Variants in SMC2 observed in about 807,000 individuals in gnomAD.
The protein encoded by SMC2 is structural maintenance of chromosomes protein 2.
SMC2 carries 41 observed loss-of-function variants against 142.6 expected under a neutral mutation model. That is an observed-to-expected ratio of 0.29 (90% confidence interval 0.22 to 0.37). The LOEUF (loss-of-function observed/expected upper bound fraction) is 0.37, where lower values mean the gene tolerates loss of function less well. SMC2 is among the 10% of genes least tolerant of loss of function. The probability of loss-of-function intolerance (pLI) is 1.00; values close to 1 mark genes in which losing one functional copy is unlikely to be tolerated. For synonymous variants in SMC2, 463 were observed against 457.5 expected (o/e 1.01, Z -0.15); for missense variants, 1,265 against 1,373.7 (o/e 0.92, Z 1.25).
At chr9:104,110,432 A>G (rs1832298125) in intron 9 of SMC2, among the ~76,000 whole-genome samples, 2 of 152,086 alleles carry the variant, frequency 1.3e-5, no homozygotes, top group African/African-American at 4.8e-5. Context: ...GCAAGAATAC[A>G]GTATATAATG....
intron 24 of SMC2, among the ~76,000 whole-genome samples, chr9:104,138,639 C>T (rs920145718): frequency 1.7e-4 from 26 of 152,174 alleles, no homozygotes; most frequent in African/African-American, 6.0e-4. Flanking sequence ...GGAGCTGGGG[C>T]TGCCAAATAT....
chr9:104,102,789 A>G (rs1423500080), intron 9 of SMC2, among the ~76,000 whole-genome samples: 1 of 152,154 alleles, frequency 6.6e-6, no homozygotes, highest in African/African-American at 2.4e-5. Flanking sequence ...AATAAATAAA[A>G]CATGTAACAT....
upstream of SMC2, among the ~76,000 whole-genome samples, chr9:104,089,842 C>T (rs145024292): frequency 4.8e-4 from 73 of 152,112 alleles, no homozygotes; most frequent in African/African-American, 1.4e-3. Flanking sequence ...GACGGGGTTT[C>T]GCCATGTTGG....
chr9:104,095,413 G>A lies in SMC2; in HGVS notation c.29G>A (p.Gly10Glu), dbSNP rs375159580. 3.1e-6 allele frequency: 5 copies of A among 1,613,476 alleles called. No homozygotes were observed. Among genetic ancestry groups the A allele is most frequent in the Non-Finnish European group, 4.2e-6 (5 of 1,179,990 alleles). ...CATATTAAGTCAATTATTCTAGAGG[G>A]ATTCAAGTCCTATGCTCAGAGGACC... The part of the protein sequence containing the change: MHIKSIILE[G>E]FKSYAQRTEV... The change falls in exon 2 of 25, where the codon GGA (glycine) becomes GAA (glutamate). Residue 10 changes from glycine to glutamate, a missense_variant. Gly to Glu is a moderately conservative substitution (Grantham distance 98). Transcript: ENST00000374793.
Position 104,125,802 on chromosome 9 carries a change from C to T in SMC2, c.2451+697C>T, listed in dbSNP as rs1000561053. ...CTAATGCCAAAGCTGGAATCTGAAC[C>T]TAGGTTTTTGTCTCCAAAGGCTACG... On this transcript the variant is annotated intron_variant, in intron 18 of 24. Transcript: ENST00000374793. 1.3e-5 allele frequency among the ~76,000 whole-genome samples: 2 copies of T among 152,272 alleles called. 1 individual carries two copies. Among genetic ancestry groups the T allele is most frequent in the South Asian group, 4.1e-4 (2 of 4,824 alleles).
rs759701968 is a variant in SMC2 at position 104,108,499 on chromosome 9, T to C, written c.1021-3082T>C. ...TGGTTCTTTCAGATGCCTCAGGCAC[T>C]GTCTGAGAACCTCTTTCCTGTTCCC... On this transcript the variant is annotated intron_variant, in intron 9 of 24. Coordinates refer to ENST00000374793, the MANE Select transcript of SMC2 (RefSeq NM_006444.3). Among the ~76,000 whole-genome samples the C allele has an allele frequency of 3.4e-4, 52 of 152,330 alleles. 1 individual carries two copies. The highest frequency in any genetic ancestry group is 4.1e-4 in the Non-Finnish European group (28 of 68,024).
chr9:104,120,700 A>C (rs1260606569), intron 16 of SMC2, among the ~76,000 whole-genome samples: 1 of 152,216 alleles, frequency 6.6e-6, no homozygotes, highest in Admixed American at 6.5e-5. Context: ...AGGTATGGAT[A>C]AGATATGTAT....
chr9:104,108,195 A>G (rs1461507537), intron 9 of SMC2, among the ~76,000 whole-genome samples: 1 of 152,184 alleles, frequency 6.6e-6, no homozygotes, highest in Non-Finnish European at 1.5e-5. Context: ...TCCCTAGGAA[A>G]ACTGGAAATA....
intron 9 of SMC2, among the ~76,000 whole-genome samples, chr9:104,103,978 T>C (rs1395065338): frequency 2.0e-5 from 3 of 152,100 alleles, no homozygotes; most frequent in African/African-American, 7.2e-5. Flanking sequence ...TTGTTTTGGG[T>C]TCATTTTTCT....
At chr9:104,100,265 C>A in intron 6 of SMC2, 62 bp downstream of exon 6, 1 of 1,413,568 alleles carries the variant, frequency 7.1e-7, no homozygotes, top group Non-Finnish European at 9.7e-7. Flanking sequence ...AGAGTTTTTG[C>A]TGTAAAGAGG....
In SMC2 at chr9:104,141,311, T is replaced by C. The variant is rs929448001; in HGVS notation, c.*1996T>C. The stretch of plus-strand genomic sequence containing the variant: ...CTCAGGGTGATAATACAGTTAGGAG[T>C]GTCAGGGCCCATGGACAAATCTTGT... On this transcript the variant is annotated 3_prime_UTR_variant, in exon 25 of 25. Transcript: ENST00000374793. 7.9e-5 allele frequency: 12 copies of C among 151,928 alleles called. No homozygotes were observed. The highest frequency in any genetic ancestry group is 2.9e-4 in the African/African-American group (12 of 41,338). The allele number at this position is 151,928 out of a possible 1,614,324, so 9.4% of individuals were successfully genotyped here.
chr9:104,132,297 C>T (rs1291258179), intron 22 of SMC2, among the ~76,000 whole-genome samples, 172 bp downstream of exon 22: 2 of 152,072 alleles, frequency 1.3e-5, no homozygotes, highest in Non-Finnish European at 2.9e-5. Context: ...TTGAACTTGA[C>T]TACTACCAGA....
In SMC2 at chr9:104,095,633, CTCT is replaced by C. The variant is rs1378059366; in HGVS notation, c.168+84_168+86del. ...TGAACTTTGGAGACGTCCCGATATT[CTCT>C]TCATTTGTGTTTTTATACTTTTTGT... On this transcript the variant is annotated intron_variant, in intron 2 of 24. Coordinates refer to ENST00000374793, the MANE Select transcript of SMC2 (RefSeq NM_006444.3). 3.8e-6 allele frequency: 4 copies of C among 1,043,650 alleles called. No homozygotes were observed. The Admixed American group carries it at 6.4e-5, about 17-fold the overall frequency. The allele number at this position is 1,043,650 out of a possible 1,614,324, so 64.6% of individuals were successfully genotyped here.
At chr9:104,127,203 G>A in intron 19 of SMC2, 83 bp from the exon 20 acceptor site, 1 of 1,087,124 alleles carries the variant, frequency 9.2e-7, no homozygotes, top group Non-Finnish European at 1.3e-6. Context: ...TCTTGCCCAG[G>A]GATCTGTCAG....
chr9:104,126,935 C>A, intron 19 of SMC2, 151 bp downstream of exon 19: 1 of 775,536 alleles, frequency 1.3e-6, no homozygotes, highest in Non-Finnish European at 2.0e-6. Context: ...CCAGAATTGC[C>A]AGTTTTGGGA....
At chr9:104,137,761 C>T (rs544852244) in intron 23 of SMC2, among the ~76,000 whole-genome samples, 25 of 152,008 alleles carry the variant, frequency 1.6e-4, no homozygotes, top group African/African-American at 4.3e-4. Context: ...AGGTGCCAAA[C>T]GTAATATGGC....
At chr9:104,097,089 A>G (rs370431860) in intron 3 of SMC2, among the ~76,000 whole-genome samples, 9 of 138,784 alleles carry the variant, frequency 6.5e-5, no homozygotes, top group African/African-American at 2.1e-4. Context: ...TGTTATTAAT[A>G]TAGTCAGGCA....
chr9:104,108,336 T>G (rs1328467570), intron 9 of SMC2, among the ~76,000 whole-genome samples: 3 of 152,190 alleles, frequency 2.0e-5, no homozygotes, highest in African/African-American at 7.2e-5. Context: ...AACTATGCCA[T>G]TTAGCCATTT....
intron 19 of SMC2, 40 bp downstream of exon 19, chr9:104,126,824 A>T: frequency 1.3e-6 from 2 of 1,558,802 alleles, no homozygotes; most frequent in Middle Eastern, 3.5e-4. Flanking sequence ...TGAAAATGCG[A>T]ATCTTTTTAT....
Sources: allele counts gnomAD v4.1 joint callset (sites outside exome capture counted in the v4.1 genomes callset), GRCh38; gene constraint gnomAD v4.1.1; transcripts MANE v1.5; gene names NCBI Gene and HGNC (gene_info 2026-07-23, HGNC 2026-07-21).